The following SLC26A3 variants were observed in gnomAD, a reference collection of about 807,000 sequenced individuals.
SLC26A3 encodes the protein chloride anion exchanger.
SLC26A3 carries 64 observed loss-of-function variants against 85.6 expected under a neutral mutation model. That is an observed-to-expected ratio of 0.75 (90% confidence interval 0.61 to 0.92). The LOEUF (loss-of-function observed/expected upper bound fraction) is 0.92, where lower values mean the gene tolerates loss of function less well. Ranked by LOEUF, SLC26A3 falls within the 40% of genes least tolerant of loss-of-function variation. The probability of loss-of-function intolerance (pLI) is 0.00; values close to 1 mark genes in which losing one functional copy is unlikely to be tolerated. For synonymous variants in SLC26A3, 349 were observed against 336.0 expected (o/e 1.04, Z -0.42); for missense variants, 922 against 927.3 (o/e 0.99, Z 0.07).
chr7:107,798,740 G>C (rs80006005), intron 1 of SLC26A3, among the ~76,000 whole-genome samples: 2 of 152,078 alleles, frequency 1.3e-5, no homozygotes, highest in Non-Finnish European at 2.9e-5. Flanking sequence ...GAAGGCCTTC[G>C]ATAGAGACAT....
intron 5 of SLC26A3, among the ~76,000 whole-genome samples, chr7:107,790,493 C>T (rs1357356342): frequency 6.6e-6 from 1 of 152,156 alleles, no homozygotes; most frequent in African/African-American, 2.4e-5. Context: ...ACTTAGGCAA[C>T]ATCTCAAAAA....
At chr7:107,768,171 T>C (rs1366368822) in intron 18 of SLC26A3, among the ~76,000 whole-genome samples, 1 of 152,200 alleles carries the variant, frequency 6.6e-6, no homozygotes, top group Admixed American at 6.5e-5. Context: ...AAACAGTAGT[T>C]CCTAGAAGAA....
intron 1 of SLC26A3, among the ~76,000 whole-genome samples, chr7:107,802,742 CTTTT>C (rs35087147): frequency 6.3e-5 from 7 of 110,764 alleles, no homozygotes; most frequent in African/African-American, 7.1e-5. Context: ...TTAAAGCTTG[CTTTT>C]TTTTTTTTTT....
chr7:107,787,002 A>G, intron 7 of SLC26A3, 93 bp from the exon 8 acceptor site: 1 of 1,061,238 alleles, frequency 9.4e-7, no homozygotes, highest in Admixed American at 1.8e-5. Context: ...CCACTTCTGT[A>G]CCTGTTAAGT....
At chr7:107,772,489 T>C (rs1261282352) in intron 17 of SLC26A3, among the ~76,000 whole-genome samples, 1 of 152,170 alleles carries the variant, frequency 6.6e-6, no homozygotes, top group Non-Finnish European at 1.5e-5. Flanking sequence ...GGACCATGAG[T>C]TGCTAATTAT....
intron 6 of SLC26A3, among the ~76,000 whole-genome samples, chr7:107,788,784 CTT>C (rs71861759): frequency 3.6e-3 from 390 of 108,024 alleles, no homozygotes; most frequent in Admixed American, 7.1e-3. Flanking sequence ...TTTTTCTTTT[CTT>C]TTTTTTTTTT....
At chr7:107,802,273 T>C (rs1047276153) in intron 1 of SLC26A3, among the ~76,000 whole-genome samples, 4 of 152,120 alleles carry the variant, frequency 2.6e-5, no homozygotes, top group Non-Finnish European at 5.9e-5. Context: ...AAGAATAAAA[T>C]AGATTTTATC....
chr7:107,778,359 A>AATTTTTT, intron 12 of SLC26A3, 78 bp from the exon 13 acceptor site: 21 of 452,976 alleles, frequency 4.6e-5, no homozygotes, highest in East Asian at 1.4e-4. Context: ...TTTTAAAAAG[A>AATTTTTT]CTTTTTTTTT....
chr7:107,772,646 T>C (rs746839174), intron 17 of SLC26A3, among the ~76,000 whole-genome samples: 2 of 152,184 alleles, frequency 1.3e-5, no homozygotes, highest in Non-Finnish European at 2.9e-5. Context: ...TCAGGTTAGA[T>C]GATCATTAAT....
intron 1 of SLC26A3, among the ~76,000 whole-genome samples, chr7:107,802,647 A>G (rs1478943707): frequency 6.6e-6 from 1 of 151,604 alleles, no homozygotes; most frequent in Admixed American, 6.6e-5. Flanking sequence ...GACTATAGAT[A>G]CATATCCCTA....
Position 107,791,911 on chromosome 7 carries a change from G to A in SLC26A3, c.301C>T (p.Pro101Ser), listed in dbSNP as rs773720855. ...GLAFALLVDI[P>S]PVYGLYASFF... ...GATGCATACAACCCATAGACTGGGGGAATGTCGACCAGCAGAGCAAATGCT... is the reference window on the plus strand; with the variant it reads ...GATGCATACAACCCATAGACTGGGGAAATGTCGACCAGCAGAGCAAATGCT... Residue 101 changes from proline to serine, a missense_variant, in exon 4 of 21, where the codon CCC (proline) becomes TCC (serine). Coordinates refer to ENST00000340010, the MANE Select transcript of SLC26A3 (RefSeq NM_000111.3). The A allele has an allele frequency of 3.1e-6, 5 of 1,613,366 alleles. No homozygotes were observed. Among genetic ancestry groups the A allele is most frequent in the Admixed American group, 1.7e-5 (1 of 60,012 alleles).
intron 18 of SLC26A3, 74 bp from the exon 19 acceptor site, chr7:107,767,982 T>A: frequency 7.1e-7 from 1 of 1,400,842 alleles, no homozygotes; most frequent in African/African-American, 1.4e-5. Flanking sequence ...AGGCTAGTAA[T>A]TTCACCTTCC....
intron 3 of SLC26A3, among the ~76,000 whole-genome samples, chr7:107,792,797 A>G (rs1282317372): frequency 6.6e-6 from 1 of 152,226 alleles, no homozygotes; most frequent in Non-Finnish European, 1.5e-5. Context: ...CAAGAAAGTT[A>G]ACCAATAATT....
At chr7:107,787,555 C>G (rs1794319167) in intron 6 of SLC26A3, 46 bp from the exon 7 acceptor site, 1 of 1,521,628 alleles carries the variant, frequency 6.6e-7, no homozygotes, top group Non-Finnish European at 9.1e-7. Context: ...TATTAATGCA[C>G]AATTTGGATA....
chr7:107,771,830 C>G (rs1443405269), intron 18 of SLC26A3, among the ~76,000 whole-genome samples: 2 of 152,100 alleles, frequency 1.3e-5, no homozygotes, highest in African/African-American at 2.4e-5. Context: ...CCTTTGTTGC[C>G]TATGAAATCA....
chr7:107,776,679 A>G lies in SLC26A3; in HGVS notation c.1542T>C (p.Ile514=). Residue 514 remains isoleucine, a synonymous_variant, in exon 14 of 21, where the codon ATT becomes ATC. Transcript: ENST00000340010. ...QFPKCSTLAN[I]GRTNIYKNKK... ...TATTCTTATAGATGTTGGTTCTTCC[A>G]ATATTAGCCAGCGTGCTGCATTTTG... is the stretch of plus-strand genomic sequence containing the variant. The G allele has an allele frequency of 1.9e-6, 3 of 1,613,878 alleles. No homozygotes were observed. Among genetic ancestry groups the G allele is most frequent in the Non-Finnish European group, 2.5e-6 (3 of 1,179,932 alleles).
At chr7:107,777,300 T>C (rs1001667138) in intron 13 of SLC26A3, among the ~76,000 whole-genome samples, 1 of 152,108 alleles carries the variant, frequency 6.6e-6, no homozygotes. Context: ...TGGCAGAGAT[T>C]TTAAAAAATC....
At chr7:107,780,163 T>C (rs576136679) in intron 11 of SLC26A3, among the ~76,000 whole-genome samples, 1 of 151,704 alleles carries the variant, frequency 6.6e-6, no homozygotes, top group Non-Finnish European at 1.5e-5. Context: ...GGTTGCTCTT[T>C]GTTAAAAAAA....
At chr7:107,766,419 CTT>C (rs1793915997) in intron 20 of SLC26A3, among the ~76,000 whole-genome samples, 2 of 152,016 alleles carry the variant, frequency 1.3e-5, no homozygotes, top group Admixed American at 1.3e-4. Flanking sequence ...TGGTGTGAGA[CTT>C]TTCTTATAAG....
Sources: allele counts gnomAD v4.1 joint callset (sites outside exome capture counted in the v4.1 genomes callset), GRCh38; gene constraint gnomAD v4.1.1; transcripts MANE v1.5; gene names NCBI Gene and HGNC (gene_info 2026-07-23, HGNC 2026-07-21).